MATR3: variants seen among roughly 807,000 people sequenced by gnomAD.
The protein encoded by MATR3 is matrin-3.
A neutral mutation model predicts 85.5 loss-of-function variants in MATR3; 4 were observed. The observed-to-expected ratio is 0.05, with a 90% confidence interval of 0.02 to 0.11. The LOEUF is 0.11. Ranked by LOEUF, MATR3 falls within the 10% of genes least tolerant of loss-of-function variation. MATR3 has a pLI of 1.00. For missense variants in MATR3, 685 were observed against 1,016.1 expected (o/e 0.67, Z 4.43); for synonymous variants, 336 against 343.1 (o/e 0.98, Z 0.23).
At position 139,330,749 on chromosome 5, in the gene MATR3, A is replaced by G. The variant is rs942010352; in HGVS notation, c.*1354A>G. 4.4e-5 allele frequency: 20 copies of G among 454,018 alleles called. No homozygotes were observed. Among genetic ancestry groups the G allele is most frequent in the Non-Finnish European group, 7.1e-5 (16 of 226,792 alleles). The allele number at this position is 454,018 out of a possible 1,614,324, so 28.1% of individuals were successfully genotyped here. On this transcript the variant is annotated 3_prime_UTR_variant, in exon 15 of 15. Transcript: ENST00000394805. The stretch of plus-strand genomic sequence containing the variant: ...GCAAGAATTAGTTCTGCAGCTTTTC[A>G]AAATAATTACGTAGAGACTCTTGGT...
rs1266416399 is a variant in MATR3 at position 139,286,309 on chromosome 5, G to C, written c.-178+7180G>C. Among the ~76,000 whole-genome samples the C allele has an allele frequency of 2.6e-5, 4 of 151,916 alleles. No homozygotes were observed. The East Asian group carries it at 7.8e-4, about 30-fold the overall frequency. On this transcript the variant is annotated intron_variant, in intron 3 of 16. Coordinates refer to ENST00000509990, the Ensembl canonical transcript of MATR3. Reference sequence around the variant, plus strand: ...TTCAAAGGCTCTGCATTTGTCTCTAGCTGCAAGATCATAGGCAATCTTCTT... The same window carrying C: ...TTCAAAGGCTCTGCATTTGTCTCTACCTGCAAGATCATAGGCAATCTTCTT...
exon 1 of MATR3, chr5:139,274,101 C>T (rs1249387397): frequency 2.2e-6 from 1 of 451,712 alleles, no homozygotes; most frequent in Non-Finnish European, 4.4e-6. Context: ...CTCCCGGCTG[C>T]CCTTTCCCCT....
Position 139,324,657 on chromosome 5 carries a change from G to A in MATR3, c.2149-783G>A, listed in dbSNP as rs146357750. 5.3e-5 allele frequency among the ~76,000 whole-genome samples: 8 copies of A among 152,222 alleles called. No homozygotes were observed. The East Asian group carries it at 1.4e-3, about 26-fold the overall frequency. On this transcript the variant is annotated intron_variant, in intron 12 of 14. Transcript: ENST00000394805. ...TTGCTCTAAAGAGTAGGTATTTGCA[G>A]TATACTGTCTTACAAAGGATATTGC...
At chr5:139,323,692 C>T (rs1483035024) in intron 12 of MATR3, among the ~76,000 whole-genome samples, 3 of 152,124 alleles carry the variant, frequency 2.0e-5, no homozygotes, top group African/African-American at 7.2e-5. Context: ...CAGTTGAGGC[C>T]AGGAGTTCAA....
intron 7 of MATR3, among the ~76,000 whole-genome samples, chr5:139,318,243 C>T (rs1346860118): frequency 6.6e-6 from 1 of 151,982 alleles, no homozygotes; most frequent in Non-Finnish European, 1.5e-5. Flanking sequence ...AAGCGATTCT[C>T]CTACCTCAGC....
At chr5:139,312,417 C>G (rs1019637101) in intron 2 of MATR3, 1 of 152,166 alleles carries the variant, frequency 6.6e-6, no homozygotes, top group Non-Finnish European at 1.5e-5. Context: ...CATTTTAAAA[C>G]TGGTCCCCAA....
At chr5:139,302,649 A>T (rs1278999632) in intron 1 of MATR3, among the ~76,000 whole-genome samples, 1 of 152,254 alleles carries the variant, frequency 6.6e-6, no homozygotes, top group African/African-American at 2.4e-5. Flanking sequence ...GTGATTTATG[A>T]CAAAAATCAA....
intron 12 of MATR3, 125 bp from the exon 13 acceptor site, chr5:139,325,315 T>C: frequency 1.3e-6 from 2 of 1,564,984 alleles, no homozygotes; most frequent in Non-Finnish European, 1.7e-6. Context: ...CCAGGGAGTA[T>C]GGAAGGTTTT....
upstream of MATR3, among the ~76,000 whole-genome samples, chr5:139,292,679 A>T (rs1450792383): frequency 6.6e-6 from 1 of 152,198 alleles, no homozygotes; most frequent in East Asian, 1.9e-4. Flanking sequence ...CCTGATTTTA[A>T]AAACCAGCTG....
chr5:139,281,362 T>TTG (rs1274846030), intron 3 of MATR3, among the ~76,000 whole-genome samples: 1 of 147,592 alleles, frequency 6.8e-6, no homozygotes, highest in Non-Finnish European at 1.5e-5. Context: ...TTTTGTTTTT[T>TTG]TTTTTTTTTT....
At chr5:139,324,692 A>C (rs1194839297) in intron 12 of MATR3, among the ~76,000 whole-genome samples, 1 of 152,146 alleles carries the variant, frequency 6.6e-6, no homozygotes, top group African/African-American at 2.4e-5. Flanking sequence ...CTCAACTTTT[A>C]CCAAATCAAG....
At position 139,326,598 on chromosome 5, in the gene MATR3, T is replaced by G. The variant is rs1038931218; in HGVS notation, c.2493+314T>G. Among the ~76,000 whole-genome samples the G allele has an allele frequency of 5.3e-5, 8 of 152,140 alleles. No homozygotes were observed. In the South Asian group the frequency reaches 1.2e-3, roughly 24 times the overall value. ...ACCACACCCAGCTAATTTTTGTATT[T>G]TTAGTAGAAATGGGGTTTCACCATG... On this transcript the variant is annotated intron_variant, in intron 14 of 14. Coordinates refer to ENST00000394805, the MANE Select transcript of MATR3 (RefSeq NM_018834.6).
intron 1 of MATR3, among the ~76,000 whole-genome samples, chr5:139,304,574 T>C (rs1754615152): frequency 6.6e-6 from 1 of 152,050 alleles, no homozygotes; most frequent in African/African-American, 2.4e-5. Flanking sequence ...GTGGGTAATG[T>C]TGATAGTTTT....
intron 2 of MATR3, among the ~76,000 whole-genome samples, chr5:139,277,278 C>T (rs1034217453): frequency 2.0e-5 from 3 of 151,924 alleles, no homozygotes; most frequent in African/African-American, 7.3e-5. Context: ...GCTGGGGTTA[C>T]AGGCATGAGC....
upstream of MATR3, among the ~76,000 whole-genome samples, chr5:139,292,822 A>T (rs1378661910): frequency 6.6e-6 from 1 of 152,218 alleles, no homozygotes; most frequent in Non-Finnish European, 1.5e-5. Context: ...GGGCGCCTGT[A>T]GTCCCAGCTA....
chr5:139,301,874 G>C (rs1199438868), intron 1 of MATR3, among the ~76,000 whole-genome samples: 1 of 152,110 alleles, frequency 6.6e-6, no homozygotes, highest in African/African-American at 2.4e-5. Flanking sequence ...GTCTGAGTGG[G>C]AATTTCTTAC....
intron 2 of MATR3, among the ~76,000 whole-genome samples, chr5:139,309,745 TATATC>T (rs2151965372): frequency 6.6e-6 from 1 of 152,308 alleles, no homozygotes; most frequent in South Asian, 2.1e-4. Flanking sequence ...CTCTACTAAA[TATATC>T]ATGGAATTCA....
chr5:139,302,659 A>G (rs1357727930), intron 1 of MATR3, among the ~76,000 whole-genome samples: 8 of 152,252 alleles, frequency 5.3e-5, no homozygotes, highest in Non-Finnish European at 1.0e-4. Context: ...ACAAAAATCA[A>G]GCAGCTACCT....
upstream of MATR3, among the ~76,000 whole-genome samples, chr5:139,292,654 C>T (rs1200523561): frequency 6.6e-6 from 1 of 152,234 alleles, no homozygotes; most frequent in African/African-American, 2.4e-5. Context: ...CTCAACGACC[C>T]TCCTGCACAG....
Sources: gnomAD v4.1 joint callset for allele counts (sites outside exome capture counted in the v4.1 genomes callset) on GRCh38, gnomAD v4.1.1 for gene constraint, MANE v1.5 for transcripts, NCBI Gene and HGNC (gene_info 2026-07-23, HGNC 2026-07-21) for gene names.